The following ASIC2 variants were observed in gnomAD, a reference collection of about 807,000 sequenced individuals.
ASIC2 encodes the protein acid-sensing ion channel 2.
ASIC2 carries 25 observed loss-of-function variants against 57.3 expected under a neutral mutation model. That is an observed-to-expected ratio of 0.44 (90% CI 0.32 to 0.61). The LOEUF (loss-of-function observed/expected upper bound fraction) is 0.61, where lower values mean the gene tolerates loss of function less well. ASIC2 is among the 20% of genes least tolerant of loss of function. The probability of loss-of-function intolerance (pLI) is 0.06; values close to 1 mark genes in which losing one functional copy is unlikely to be tolerated. For synonymous variants in ASIC2, 319 were observed against 307.5 expected, an observed-to-expected ratio of 1.04 and a Z score of -0.39; for missense variants, 641 against 738.1, an observed-to-expected ratio of 0.87 and a Z score of 1.52.
chr17:34,025,014 G>A (rs1323473661), intron 1 of ASIC2, among the ~76,000 whole-genome samples: 4 of 152,176 alleles, frequency 2.6e-5, no homozygotes, highest in African/African-American at 7.2e-5. Flanking sequence ...GGGGCCTCTT[G>A]GAGGCCCCCA....
chr17:34,103,561 G>GT (rs942785474), intron 1 of ASIC2, among the ~76,000 whole-genome samples: 13 of 151,598 alleles, frequency 8.6e-5, no homozygotes, highest in Non-Finnish European at 1.2e-4. Flanking sequence ...ATATTTCCCT[G>GT]TTTTTTTCAA....
At chr17:33,162,090 T>C (rs1005895892) in intron 1 of ASIC2, among the ~76,000 whole-genome samples, 2 of 152,092 alleles carry the variant, frequency 1.3e-5, no homozygotes, top group Admixed American at 1.3e-4. Context: ...CGTGACTCTT[T>C]CATGTTGCCT....
At chr17:33,924,745 G>T (rs576816209) in intron 1 of ASIC2, among the ~76,000 whole-genome samples, 16 of 152,312 alleles carry the variant, frequency 1.1e-4, no homozygotes, top group African/African-American at 3.8e-4. Flanking sequence ...CTTGGACAAA[G>T]CTGCCTGCTG....
intron 7 of ASIC2, among the ~76,000 whole-genome samples, chr17:33,019,144 G>A (rs1281945166): frequency 6.6e-6 from 1 of 152,162 alleles, no homozygotes; most frequent in Non-Finnish European, 1.5e-5. Flanking sequence ...TGTGATGTAC[G>A]TGTGCAGTGT....
intron 1 of ASIC2, among the ~76,000 whole-genome samples, chr17:33,592,336 T>A (rs8071379): frequency 1.3e-5 from 2 of 152,134 alleles, no homozygotes; most frequent in African/African-American, 4.8e-5. Flanking sequence ...AACCTTGGTG[T>A]TCACTAGCTG....
intron 1 of ASIC2, among the ~76,000 whole-genome samples, chr17:33,149,774 A>C (rs557697111): frequency 6.6e-5 from 10 of 152,326 alleles, no homozygotes; most frequent in African/African-American, 2.4e-4. Flanking sequence ...ATCAATAGTG[A>C]GGTTGAAAGT....
chr17:33,192,608 A>G (rs897398364), intron 1 of ASIC2, among the ~76,000 whole-genome samples: 41 of 152,178 alleles, frequency 2.7e-4, no homozygotes, highest in Non-Finnish European at 8.8e-5. Flanking sequence ...CCATTCACCA[A>G]TTCAAATCTT....
Position 33,625,417 on chromosome 17 carries a change from A to G in ASIC2, c.556-513350T>C, listed in dbSNP as rs961713085. On this transcript the variant is annotated intron_variant, in intron 1 of 9. Transcript: ENST00000359872. Reference sequence around the variant, plus strand: ...TGAGCTTAGATAAGTATCCTTCCCCACTTGAGCCTTCAAATGACTGCAGCC... The same window carrying G: ...TGAGCTTAGATAAGTATCCTTCCCCGCTTGAGCCTTCAAATGACTGCAGCC... Among the ~76,000 whole-genome samples the G allele has an allele frequency of 1.1e-4, 17 of 152,026 alleles. 1 individual carries two copies. Among genetic ancestry groups the G allele is most frequent in the Non-Finnish European group, 2.9e-5 (2 of 68,006 alleles).
chr17:33,534,801 C>A (rs182998211), intron 1 of ASIC2, among the ~76,000 whole-genome samples: 1 of 152,190 alleles, frequency 6.6e-6, no homozygotes, highest in Non-Finnish European at 1.5e-5. Context: ...TCAAAGTGCT[C>A]TTACTATTTG....
chr17:33,081,395 A>G (rs1467422258), intron 3 of ASIC2, among the ~76,000 whole-genome samples: 1 of 152,206 alleles, frequency 6.6e-6, no homozygotes, highest in East Asian at 1.9e-4. Flanking sequence ...GAAACAGTGT[A>G]CCCTGTTGAT....
At chr17:34,115,652 C>T (rs192210866) in intron 1 of ASIC2, among the ~76,000 whole-genome samples, 5 of 152,260 alleles carry the variant, frequency 3.3e-5, no homozygotes, top group Admixed American at 6.5e-5. Flanking sequence ...CTAACCAGGC[C>T]GAACATTTTC....
At chr17:33,996,253 C>T (rs76250405) in intron 1 of ASIC2, among the ~76,000 whole-genome samples, 2,888 of 152,110 alleles carry the variant, frequency 0.019, 93 homozygotes, top group African/African-American at 0.066. Flanking sequence ...GGATATTAAC[C>T]CCTTATCAGA....
At chr17:33,269,384 G>C (rs1020748025) in intron 1 of ASIC2, among the ~76,000 whole-genome samples, 11 of 152,126 alleles carry the variant, frequency 7.2e-5, no homozygotes, top group Non-Finnish European at 1.5e-4. Flanking sequence ...GTATCAAGTG[G>C]TGTCCCATCG....
intron 1 of ASIC2, among the ~76,000 whole-genome samples, chr17:33,179,243 C>T (rs1481927777): frequency 6.6e-6 from 1 of 152,150 alleles, no homozygotes. Context: ...TCTTGGCATA[C>T]TTAATACCCC....
intron 1 of ASIC2, among the ~76,000 whole-genome samples, chr17:33,302,354 T>C (rs2142195556): frequency 6.6e-6 from 1 of 152,302 alleles, no homozygotes; most frequent in Middle Eastern, 3.4e-3. Context: ...AAACCCAAGG[T>C]AGAATGAGGC....
chr17:33,178,951 C>T (rs1448265485), intron 1 of ASIC2, among the ~76,000 whole-genome samples: 1 of 152,218 alleles, frequency 6.6e-6, no homozygotes, highest in Non-Finnish European at 1.5e-5. Context: ...CAGAACTCAT[C>T]AGAGGGAGAG....
At chr17:33,091,155 T>A (rs557278493) in intron 2 of ASIC2, among the ~76,000 whole-genome samples, 2 of 152,254 alleles carry the variant, frequency 1.3e-5, no homozygotes, top group East Asian at 3.9e-4. Context: ...AGGTGGAACC[T>A]CAAGGAAGGT....
intron 1 of ASIC2, among the ~76,000 whole-genome samples, chr17:33,373,131 C>G (rs1231212933): frequency 6.6e-6 from 1 of 152,134 alleles, no homozygotes; most frequent in Non-Finnish European, 1.5e-5. Flanking sequence ...GAAGAGAACC[C>G]AGGAGGAAGG....
At chr17:33,729,163 C>CGTCT (rs1379904420) in intron 1 of ASIC2, among the ~76,000 whole-genome samples, 2 of 152,142 alleles carry the variant, frequency 1.3e-5, no homozygotes, top group Non-Finnish European at 2.9e-5. Flanking sequence ...GTGGTGCCAG[C>CGTCT]GTCTGCTTCT....
Sources: allele counts gnomAD v4.1 joint callset (sites outside exome capture counted in the v4.1 genomes callset), GRCh38; gene constraint gnomAD v4.1.1; transcripts MANE v1.5; gene names NCBI Gene and HGNC (gene_info 2026-07-23, HGNC 2026-07-21).